The following CNGB1 variants were observed in gnomAD, a reference collection of about 807,000 sequenced individuals.
CNGB1 encodes cyclic nucleotide-gated channel beta-1.
A neutral mutation model predicts 151.7 loss-of-function variants in CNGB1; 126 were observed. That is an observed-to-expected ratio of 0.83 (90% CI 0.72 to 0.96). The LOEUF (loss-of-function observed/expected upper bound fraction) is 0.96. Among genes scored for constraint, CNGB1 ranks in the 40% least tolerant of loss-of-function variants. The pLI, the probability that CNGB1 is intolerant of heterozygous loss-of-function variation, is 0.00. For synonymous variants in CNGB1, 623 were observed against 635.1 expected (o/e 0.98, Z 0.29); for missense variants, 1,698 against 1,627.0 (o/e 1.04, Z -0.75).
intron 16 of CNGB1, among the ~76,000 whole-genome samples, chr16:57,932,425 C>A (rs1372064410): frequency 7.8e-6 from 1 of 128,774 alleles, no homozygotes; most frequent in Admixed American, 8.5e-5. Flanking sequence ...TTTTTTGAGT[C>A]GGAGTCTCGC....
chr16:57,903,185 C>CTTT (rs60099371), intron 27 of CNGB1, among the ~76,000 whole-genome samples: 1,325 of 122,642 alleles, frequency 0.011, 29 homozygotes, highest in African/African-American at 0.034. Context: ...GTCCTTCTTC[C>CTTT]TTTTTTTTTT....
rs778034289 is a variant in CNGB1, at chr16:57,958,462, C to T, written c.785G>A (p.Arg262Lys). The T allele has an allele frequency of 6.2e-7, 1 of 1,614,220 alleles. No homozygotes were observed. The highest frequency in any genetic ancestry group is 2.2e-5 in the East Asian group (1 of 44,874). Residue 262 changes from arginine to lysine, a missense_variant, in exon 11 of 33, where the codon AGG (arginine) becomes AAG (lysine). Transcript: ENST00000251102. ...TGGCTGCGGCAAGGCCATCTCCAGCCTGTGCAGGACCCATGCCACCAGCCT... is the reference window on the plus strand; with the variant it reads ...TGGCTGCGGCAAGGCCATCTCCAGCTTGTGCAGGACCCATGCCACCAGCCT... The part of the protein sequence containing the change: ...PARLVAWVLH[R>K]LEMALPQPVL...
At chr16:57,903,776 A>G (rs752213923) in intron 27 of CNGB1, 46 bp downstream of exon 27, 37 of 1,611,354 alleles carry the variant, frequency 2.3e-5, no homozygotes, top group Non-Finnish European at 3.1e-5. Flanking sequence ...ACCAGGCGAC[A>G]GGAGTTGACT....
chr16:57,947,915 C>T (rs1298433682), intron 14 of CNGB1, among the ~76,000 whole-genome samples: 1 of 152,176 alleles, frequency 6.6e-6, no homozygotes, highest in Admixed American at 6.5e-5. Flanking sequence ...TGAGCGGGTA[C>T]ACCACTTGCC....
At chr16:57,968,906 C>T (rs927905601) in intron 1 of CNGB1, among the ~76,000 whole-genome samples, 2 of 150,424 alleles carry the variant, frequency 1.3e-5, no homozygotes, top group Admixed American at 6.6e-5. Context: ...TGGTGTGCAC[C>T]TGTAGTCCCA....
At chr16:57,892,406 G>T (rs1374472651) in intron 31 of CNGB1, among the ~76,000 whole-genome samples, 1 of 152,142 alleles carries the variant, frequency 6.6e-6, no homozygotes, top group Non-Finnish European at 1.5e-5. Context: ...AGATTTTCTG[G>T]GAGAAATTCA....
At chr16:57,895,878 G>A (rs1259162755) in intron 31 of CNGB1, among the ~76,000 whole-genome samples, 1 of 152,072 alleles carries the variant, frequency 6.6e-6, no homozygotes, top group Non-Finnish European at 1.5e-5. Flanking sequence ...AGTGCCCACT[G>A]GCCAAACTGG....
At chr16:57,947,063 G>A (rs565292680) in intron 14 of CNGB1, among the ~76,000 whole-genome samples, 5 of 152,372 alleles carry the variant, frequency 3.3e-5, no homozygotes, top group South Asian at 2.1e-4. Context: ...AAGCATGTGT[G>A]TGGGTATACG....
chr16:57,957,530 G>A (rs1962121887), intron 11 of CNGB1, among the ~76,000 whole-genome samples, 153 bp from the exon 12 acceptor site: 1 of 152,226 alleles, frequency 6.6e-6, no homozygotes, highest in East Asian at 1.9e-4. Context: ...TGTGCCCAGG[G>A]CCAATGAAGG....
At chr16:57,961,604 A>G (rs564444523) in intron 7 of CNGB1, among the ~76,000 whole-genome samples, 4 of 151,944 alleles carry the variant, frequency 2.6e-5, no homozygotes, top group African/African-American at 9.7e-5. Flanking sequence ...TAGAGGACCA[A>G]AAGACACAGA....
intron 1 of CNGB1, among the ~76,000 whole-genome samples, chr16:57,968,562 T>C (rs1658734459): frequency 6.6e-6 from 1 of 151,938 alleles, no homozygotes; most frequent in South Asian, 2.1e-4. Context: ...GCCGAGGGCT[T>C]AATAAATGTT....
intron 15 of CNGB1, 84 bp from the exon 16 acceptor site, chr16:57,939,676 G>A: frequency 6.3e-7 from 1 of 1,576,710 alleles, no homozygotes; most frequent in Non-Finnish European, 8.7e-7. Flanking sequence ...TCTGCCTTCA[G>A]AAGTCCACAT....
At chr16:57,967,049 C>G in intron 2 of CNGB1, 79 bp downstream of exon 2, 1 of 1,601,058 alleles carries the variant, frequency 6.2e-7, no homozygotes, top group South Asian at 1.1e-5. Context: ...GTAGAAAGTC[C>G]CTGGAGAGCA....
chr16:57,953,001 C>T (rs1480358934), intron 12 of CNGB1, among the ~76,000 whole-genome samples: 4 of 152,158 alleles, frequency 2.6e-5, no homozygotes, highest in African/African-American at 7.2e-5. Context: ...CTGGCCCACC[C>T]CTGGAGCTCC....
intron 8 of CNGB1, 110 bp downstream of exon 8, chr16:57,960,730 C>G (rs1962229989): frequency 1.6e-5 from 21 of 1,340,054 alleles, no homozygotes; most frequent in Non-Finnish European, 1.9e-5. Flanking sequence ...ATCGCCCCCT[C>G]ATGAGTTCTG....
chr16:57,921,597 C>T (rs548085445), intron 18 of CNGB1, among the ~76,000 whole-genome samples: 3 of 152,236 alleles, frequency 2.0e-5, no homozygotes, highest in African/African-American at 7.2e-5. Context: ...CTCATTCTCT[C>T]CTGTGGTGCA....
intron 17 of CNGB1, among the ~76,000 whole-genome samples, 191 bp from the exon 18 acceptor site, chr16:57,923,571 C>T (rs1263035798): frequency 6.6e-6 from 1 of 152,170 alleles, no homozygotes; most frequent in Non-Finnish European, 1.5e-5. Flanking sequence ...CATAGCCACT[C>T]TCTAGACCTC....
Position 57,901,062 on chromosome 16 carries a change from G to T in CNGB1, c.2976+290C>A, listed in dbSNP as rs1053208618. 3.9e-3 allele frequency among the ~76,000 whole-genome samples: 585 copies of T among 150,996 alleles called. 5 individuals carry two copies. The highest frequency in any genetic ancestry group is 0.014 in the African/African-American group (556 of 40,826). On this transcript the variant is annotated intron_variant, in intron 29 of 32. Coordinates refer to ENST00000251102, the MANE Select transcript of CNGB1 (RefSeq NM_001297.5). ...TTCCCTTTCTGTAAGGTGGAGTTGG[G>T]GGGGGGGTCTTTGTCCTGGCCCCCA...
intron 1 of CNGB1, among the ~76,000 whole-genome samples, chr16:57,970,288 G>T (rs1297887757): frequency 6.6e-6 from 1 of 152,184 alleles, no homozygotes; most frequent in Non-Finnish European, 1.5e-5. Context: ...ACCCCAGCCA[G>T]CCCCAGGCAG....
Sources: allele counts gnomAD v4.1 joint callset (sites outside exome capture counted in the v4.1 genomes callset), GRCh38; gene constraint gnomAD v4.1.1; transcripts MANE v1.5; gene names NCBI Gene and HGNC (gene_info 2026-07-23, HGNC 2026-07-21).